CACHD1: variants seen among roughly 807,000 people sequenced by gnomAD.
CACHD1 encodes VWFA and cache domain-containing protein 1.
CACHD1 carries 71 observed loss-of-function variants against 138.7 expected under a neutral mutation model. The ratio of observed to expected loss-of-function variants is 0.51; its 90% CI spans 0.42 to 0.62. The LOEUF (loss-of-function observed/expected upper bound fraction) is 0.62. Ranked by LOEUF, CACHD1 falls within the 20% of genes least tolerant of loss-of-function variation. The pLI, the probability that CACHD1 is intolerant of heterozygous loss-of-function variation, is 0.00. For missense variants in CACHD1, 1,389 were observed against 1,625.3 expected, an observed-to-expected ratio of 0.85 and a Z score of 2.50; for synonymous variants, 578 against 591.5, an observed-to-expected ratio of 0.98 and a Z score of 0.33.
chr1:64,638,453 C>G (rs747518631), intron 7 of CACHD1, among the ~76,000 whole-genome samples: 5 of 152,146 alleles, frequency 3.3e-5, no homozygotes, highest in African/African-American at 4.8e-5. Context: ...CTTATATCAA[C>G]CAGAAGGTCT....
chr1:64,500,699 T>C (rs1646332931), intron 1 of CACHD1, among the ~76,000 whole-genome samples: 1 of 129,450 alleles, frequency 7.7e-6, no homozygotes, highest in African/African-American at 3.1e-5. Flanking sequence ...TTGGGCAACG[T>C]AGCAAGACCT....
chr1:64,602,470 AT>A (rs10694627), intron 3 of CACHD1, among the ~76,000 whole-genome samples: 3,815 of 125,208 alleles, frequency 0.03, 155 homozygotes, highest in African/African-American at 0.099. Context: ...CTCCCATCTG[AT>A]TTTTTTTTTT....
intron 2 of CACHD1, 99 bp from the exon 3 acceptor site, chr1:64,582,057 A>G: frequency 4.6e-6 from 6 of 1,314,896 alleles, no homozygotes; most frequent in Middle Eastern, 1.9e-4. Context: ...GAATTTTAAT[A>G]TATGCAGCTT....
chr1:64,554,909 G>A (rs1462833568), intron 2 of CACHD1, among the ~76,000 whole-genome samples: 3 of 152,132 alleles, frequency 2.0e-5, no homozygotes, highest in African/African-American at 7.2e-5. Context: ...ACCATATTAG[G>A]TTGCTGTGCA....
At chr1:64,681,541 G>GTTTTGTTTT (rs1553146853) in intron 25 of CACHD1, among the ~76,000 whole-genome samples, 1 of 68,132 alleles carries the variant, frequency 1.5e-5, no homozygotes, top group African/African-American at 7.3e-5. Context: ...ATTTTATTGT[G>GTTTTGTTTT]TTTTTTTTTT....
At chr1:64,489,264 G>T (rs1478985082) in intron 1 of CACHD1, among the ~76,000 whole-genome samples, 2 of 152,124 alleles carry the variant, frequency 1.3e-5, no homozygotes, top group Non-Finnish European at 2.9e-5. Context: ...GCTGCCAGTT[G>T]CCCTGAGACT....
intron 4 of CACHD1, among the ~76,000 whole-genome samples, chr1:64,619,580 T>G (rs1260992783): frequency 6.6e-6 from 1 of 152,178 alleles, no homozygotes; most frequent in Non-Finnish European, 1.5e-5. Context: ...TGGGATGCTC[T>G]GGGCAAAAGC....
At chr1:64,557,565 C>T (rs998554450) in intron 2 of CACHD1, among the ~76,000 whole-genome samples, 3 of 152,218 alleles carry the variant, frequency 2.0e-5, no homozygotes, top group Non-Finnish European at 2.9e-5. Context: ...GCAGCTCTCC[C>T]TGCTCTTCTG....
chr1:64,635,756 A>G (rs1648503559), intron 7 of CACHD1, among the ~76,000 whole-genome samples: 1 of 152,104 alleles, frequency 6.6e-6, no homozygotes. Flanking sequence ...GATATTTGAA[A>G]TGGGGCTCAT....
rs774225040 is a variant in CACHD1 at position 64,675,508 on chromosome 1, T to A, written c.2835T>A (p.Ser945=). 1 of 1,613,508 alleles carries A rather than the reference T, an allele frequency of 6.2e-7. No individual in the cohort carries two copies. Among genetic ancestry groups the A allele is most frequent in the Non-Finnish European group, 8.5e-7 (1 of 1,179,462 alleles). Residue 945 remains serine (S), a synonymous_variant, in exon 20 of 27, where the codon TCT becomes TCA. Coordinates refer to ENST00000651257, the MANE Select transcript of CACHD1 (RefSeq NM_020925.4). ...GCATTGTCAACGAAACCTGCGACTC[T>A]CTTGCCTTCTGTGCCTGCAGCATGG... ...FVGIVNETCD[S]LAFCACSMVD...
chr1:64,576,325 C>CT (rs1474918048), intron 2 of CACHD1, among the ~76,000 whole-genome samples: 2 of 152,128 alleles, frequency 1.3e-5, no homozygotes, highest in Admixed American at 1.3e-4. Flanking sequence ...GACCCAGAAT[C>CT]TGTCTGGCTT....
At position 64,654,693 on chromosome 1, in the gene CACHD1, C is replaced by T; in HGVS notation, c.1672C>T (p.Leu558=). The T allele has an allele frequency of 6.2e-7, 1 of 1,611,542 alleles. No homozygotes were observed. Among genetic ancestry groups the T allele is most frequent in the Non-Finnish European group, 8.5e-7 (1 of 1,178,150 alleles). The change falls in exon 12 of 27, where the codon CTG becomes TTG. Residue 558 remains leucine, a synonymous_variant. Coordinates refer to ENST00000651257, the MANE Select transcript of CACHD1 (RefSeq NM_020925.4). ...TTCTGTTTGCCAACACAGCCTCCCT[C>T]TGGGCAGCCAGATTATCGCAGTCCC... ...LVRQNILSLP[L]GSQIIAVPVN...
At chr1:64,493,680 T>C (rs1646290983) in intron 1 of CACHD1, among the ~76,000 whole-genome samples, 2 of 152,198 alleles carry the variant, frequency 1.3e-5, no homozygotes, top group Admixed American at 6.5e-5. Context: ...GTTTTGTCTA[T>C]ACCTTCTTTT....
intron 14 of CACHD1, among the ~76,000 whole-genome samples, 186 bp downstream of exon 14, chr1:64,664,023 C>A (rs531453959): frequency 6.6e-6 from 1 of 152,080 alleles, no homozygotes; most frequent in Non-Finnish European, 1.5e-5. Context: ...GAAGAAGCCC[C>A]GTGGGCCACA....
chr1:64,502,597 T>G (rs997778549), intron 1 of CACHD1, among the ~76,000 whole-genome samples: 5 of 125,832 alleles, frequency 4.0e-5, no homozygotes, highest in Admixed American at 7.3e-5. Flanking sequence ...AGATAATAGG[T>G]ACAGCATAAA....
At chr1:64,650,760 T>G (rs1570452243) in intron 9 of CACHD1, among the ~76,000 whole-genome samples, 1 of 152,346 alleles carries the variant, frequency 6.6e-6, no homozygotes, top group African/African-American at 2.4e-5. Flanking sequence ...AAGAATGGCT[T>G]TCTGATAGGC....
chr1:64,555,250 A>G (rs1646788727), intron 2 of CACHD1, among the ~76,000 whole-genome samples: 1 of 152,102 alleles, frequency 6.6e-6, no homozygotes, highest in Non-Finnish European at 1.5e-5. Flanking sequence ...TGCCCTCCCC[A>G]AAGTACTGCG....
intron 1 of CACHD1, among the ~76,000 whole-genome samples, chr1:64,496,353 G>A (rs1195220913): frequency 6.6e-6 from 1 of 152,150 alleles, no homozygotes; most frequent in Non-Finnish European, 1.5e-5. Context: ...AGATGTGCTG[G>A]AGTGTCAAGA....
intron 1 of CACHD1, among the ~76,000 whole-genome samples, chr1:64,544,868 G>A (rs1338115863): frequency 6.6e-6 from 1 of 152,122 alleles, no homozygotes. Flanking sequence ...TTTTCTTGCT[G>A]AAAATTCAGA....
Sources: gnomAD v4.1 joint callset for allele counts (sites outside exome capture counted in the v4.1 genomes callset) on GRCh38, gnomAD v4.1.1 for gene constraint, MANE v1.5 for transcripts, NCBI Gene and HGNC (gene_info 2026-07-23, HGNC 2026-07-21) for gene names.